Variants in DLG2 observed in about 807,000 individuals in gnomAD.
The protein encoded by DLG2 is disks large homolog 2.
DLG2 carries 45 observed loss-of-function variants against 132.5 expected under a neutral mutation model. The ratio of observed to expected loss-of-function variants is 0.34; its 90% CI spans 0.27 to 0.44. DLG2 has a LOEUF of 0.44. Ranked by LOEUF, DLG2 falls within the 20% of genes least tolerant of loss-of-function variation. DLG2 has a pLI of 1.00. For missense variants in DLG2, 1,045 were observed against 1,196.9 expected, an observed-to-expected ratio of 0.87 and a Z score of 1.87; for synonymous variants, 424 against 419.6, an observed-to-expected ratio of 1.01 and a Z score of -0.13.
At chr11:83,619,403 C>T (rs1201187236) in intron 19 of DLG2, among the ~76,000 whole-genome samples, 1 of 152,144 alleles carries the variant, frequency 6.6e-6, no homozygotes, top group Admixed American at 6.5e-5. Context: ...TTTCTAGAAG[C>T]CATGGAAATT....
intron 3 of DLG2, among the ~76,000 whole-genome samples, chr11:85,368,900 T>C (rs900335136): frequency 2.2e-4 from 33 of 152,180 alleles, no homozygotes; most frequent in African/African-American, 8.0e-4. Flanking sequence ...GTGTGGAGCC[T>C]GGGATTCAGG....
At chr11:85,571,308 C>A (rs537111824) in intron 3 of DLG2, among the ~76,000 whole-genome samples, 2 of 152,140 alleles carry the variant, frequency 1.3e-5, no homozygotes, top group Non-Finnish European at 2.9e-5. Context: ...GTTTAGTAAC[C>A]TTTTATGAAC....
intron 10 of DLG2, among the ~76,000 whole-genome samples, chr11:84,066,571 C>A (rs773524159): frequency 2.0e-5 from 3 of 152,062 alleles, no homozygotes; most frequent in Non-Finnish European, 2.9e-5. Context: ...ACCAGCCTGG[C>A]CAACATGATG....
chr11:83,909,914 C>T (rs1428921746), intron 15 of DLG2, among the ~76,000 whole-genome samples: 1 of 152,166 alleles, frequency 6.6e-6, no homozygotes, highest in Non-Finnish European at 1.5e-5. Flanking sequence ...GAAGCAGCCT[C>T]AATGTCTCCA....
chr11:83,720,292 C>CGGAAAAAAAAAAAAAAA, intron 18 of DLG2, among the ~76,000 whole-genome samples: 1 of 8,982 alleles, frequency 1.1e-4, no homozygotes, highest in Non-Finnish European at 2.6e-4. Flanking sequence ...GACTCCATCT[C>CGGAAAAAAAAAAAAAAA]AGAAAAAAAA....
At chr11:83,582,204 C>T (rs1484741008) in intron 19 of DLG2, among the ~76,000 whole-genome samples, 1 of 152,038 alleles carries the variant, frequency 6.6e-6, no homozygotes, top group Non-Finnish European at 1.5e-5. Flanking sequence ...GATCTGCCCA[C>T]CTTGGCCTCC....
chr11:85,216,996 C>T (rs1166534000), intron 4 of DLG2, among the ~76,000 whole-genome samples: 1 of 151,990 alleles, frequency 6.6e-6, no homozygotes, highest in Non-Finnish European at 1.5e-5. Flanking sequence ...GCCTGGCCTA[C>T]AATATCTCTT....
chr11:85,169,019 C>T (rs1305894812), intron 4 of DLG2, among the ~76,000 whole-genome samples: 1 of 152,068 alleles, frequency 6.6e-6, no homozygotes, highest in Non-Finnish European at 1.5e-5. Flanking sequence ...TTCACAGATA[C>T]CAAAATTTGT....
chr11:85,004,266 C>G (rs192536586), intron 6 of DLG2, among the ~76,000 whole-genome samples: 1 of 152,310 alleles, frequency 6.6e-6, no homozygotes, highest in East Asian at 1.9e-4. Flanking sequence ...AATGGTATTT[C>G]TGGTTCTCCA....
intron 15 of DLG2, among the ~76,000 whole-genome samples, chr11:83,887,396 C>A (rs1459912894): frequency 2.0e-5 from 3 of 151,692 alleles, no homozygotes; most frequent in Non-Finnish European, 4.4e-5. Flanking sequence ...AAGACTAAAC[C>A]AGGAAGAAGT....
chr11:84,032,646 T>C (rs535162863), intron 11 of DLG2, among the ~76,000 whole-genome samples: 1 of 152,294 alleles, frequency 6.6e-6, no homozygotes, highest in Middle Eastern at 3.4e-3. Flanking sequence ...TGAAGGCAAC[T>C]ATATTAAACA....
At chr11:85,141,944 T>C (rs1173612178) in intron 5 of DLG2, among the ~76,000 whole-genome samples, 1 of 151,964 alleles carries the variant, frequency 6.6e-6, no homozygotes, top group Non-Finnish European at 1.5e-5. Context: ...ACCATACTGG[T>C]TTGGATACTA....
chr11:84,297,482 T>G (rs2098106812), intron 7 of DLG2, among the ~76,000 whole-genome samples: 1 of 152,196 alleles, frequency 6.6e-6, no homozygotes, highest in Admixed American at 6.5e-5. Flanking sequence ...CCATCCTTTT[T>G]GCTCTACATA....
In DLG2 at chr11:84,039,374, C is replaced by A. The variant is rs577048721; in HGVS notation, c.919+19941G>T. The stretch of plus-strand genomic sequence containing the variant: ...CCTAATGCTATCCCTCCCCCCGCCC[C>A]CCACCCCACAACAGTCCCCAGAGTG... On this transcript the variant is annotated intron_variant, in intron 11 of 27. Coordinates refer to ENST00000376104, the MANE Select transcript of DLG2 (RefSeq NM_001142699.3). 3.1e-4 allele frequency among the ~76,000 whole-genome samples: 39 copies of A among 126,024 alleles called. 1 individual carries two copies. Among genetic ancestry groups the A allele is most frequent in the Middle Eastern group, 9.4e-3 (2 of 212 alleles). The allele number at this position is 126,024 out of a possible 152,430, so 82.7% of individuals were successfully genotyped here.
Position 85,294,020 on chromosome 11 carries a change from T to C in DLG2, c.41-8655A>G, listed in dbSNP as rs76620058. 1.8e-3 allele frequency among the ~76,000 whole-genome samples: 270 copies of C among 152,192 alleles called. 2 individuals are homozygous for C. Among genetic ancestry groups the C allele is most frequent in the African/African-American group, 6.1e-3 (253 of 41,544 alleles). ...ACTTTGGGACGCCGAAGTGGGAAGA[T>C]TGGTTGAAGCCAGGAGTTTAAGACC... On this transcript the variant is annotated intron_variant, in intron 3 of 27. Coordinates refer to ENST00000376104, the MANE Select transcript of DLG2 (RefSeq NM_001142699.3).
intron 2 of DLG2, 118 bp from the exon 3 acceptor site, chr11:85,598,906 T>C (rs1260550696): frequency 1.6e-5 from 6 of 379,928 alleles, no homozygotes; most frequent in Non-Finnish European, 2.8e-5. Context: ...AATAAAATAA[T>C]CATAATTTCT....
At position 84,232,843 on chromosome 11, in the gene DLG2, T is replaced by C. The variant is rs1013172292; in HGVS notation, c.573+18395A>G. ...GAGTTTATAAATAAGAATAAAATAT[T>C]GAAGAGATCAAGGCCATGATATAGG... is the stretch of plus-strand genomic sequence containing the variant. On this transcript the variant is annotated intron_variant, in intron 8 of 27. Transcript: ENST00000376104. Among the ~76,000 whole-genome samples the C allele has an allele frequency of 2.0e-5, 3 of 152,098 alleles. No individual in the cohort carries two copies. The East Asian group carries it at 5.8e-4, about 29-fold the overall frequency.
At chr11:85,028,910 AGCT>A (rs1008947213) in intron 6 of DLG2, among the ~76,000 whole-genome samples, 4 of 152,040 alleles carry the variant, frequency 2.6e-5, no homozygotes, top group Non-Finnish European at 5.9e-5. Flanking sequence ...GCGCAGCCCC[AGCT>A]GTGCCTACCC....
At chr11:83,978,442 A>G (rs2092474741) in intron 12 of DLG2, among the ~76,000 whole-genome samples, 1 of 152,076 alleles carries the variant, frequency 6.6e-6, no homozygotes, top group South Asian at 2.1e-4. Flanking sequence ...TCCCAAGACA[A>G]CATTTCAAGC....
Sources: allele counts gnomAD v4.1 joint callset (sites outside exome capture counted in the v4.1 genomes callset), GRCh38; gene constraint gnomAD v4.1.1; transcripts MANE v1.5; gene names NCBI Gene and HGNC (gene_info 2026-07-23, HGNC 2026-07-21).